The following CLDN14 variants were observed in gnomAD, a reference collection of about 807,000 sequenced individuals.
CLDN14 encodes the protein claudin-14.
In CLDN14, 2 loss-of-function variants were observed where a neutral mutation model predicts 2.1. The ratio of observed to expected loss-of-function variants is 0.96; its 90% CI spans 0.39 to 3.01. The LOEUF (loss-of-function observed/expected upper bound fraction) is 3.01, where lower values mean the gene tolerates loss of function less well. Ranked by LOEUF, CLDN14 falls within the 30% of genes most tolerant of loss-of-function variation. CLDN14 has a pLI of 0.09. For missense variants in CLDN14, 298 were observed against 328.0 expected, an observed-to-expected ratio of 0.91 and a Z score of 0.71; for synonymous variants, 136 against 154.4, an observed-to-expected ratio of 0.88 and a Z score of 0.88.
At chr21:36,462,440 C>A (rs2086590213) in intron 1 of CLDN14, among the ~76,000 whole-genome samples, 2 of 152,180 alleles carry the variant, frequency 1.3e-5, no homozygotes, top group South Asian at 4.1e-4. Context: ...ACACGCTCCC[C>A]ATTCACTATG....
intron 1 of CLDN14, among the ~76,000 whole-genome samples, chr21:36,525,770 G>C (rs745834771): frequency 1.3e-5 from 2 of 152,152 alleles, no homozygotes; most frequent in Non-Finnish European, 2.9e-5. Flanking sequence ...CTCCTCCAGC[G>C]ATACAGCTGC....
upstream of CLDN14, chr21:36,480,582 T>C (rs1257831794): frequency 6.6e-6 from 1 of 152,104 alleles, no homozygotes; most frequent in South Asian, 2.1e-4. Context: ...TTGGTGGGAA[T>C]GTGTAGCCAA....
chr21:36,522,021 C>G (rs2087275171), intron 1 of CLDN14, among the ~76,000 whole-genome samples: 1 of 152,102 alleles, frequency 6.6e-6, no homozygotes, highest in Non-Finnish European at 1.5e-5. Context: ...AAGTTATTAC[C>G]TGAAGTTTTT....
At chr21:36,506,681 G>A (rs376978682) in intron 2 of CLDN14, among the ~76,000 whole-genome samples, 1 of 152,034 alleles carries the variant, frequency 6.6e-6, no homozygotes, top group South Asian at 2.1e-4. Context: ...CGTTCACAGC[G>A]ATCACCTCTG....
chr21:36,491,560 A>G (rs2086965034), intron 2 of CLDN14, among the ~76,000 whole-genome samples: 1 of 152,228 alleles, frequency 6.6e-6, no homozygotes, highest in East Asian at 1.9e-4. Context: ...TATTTGCTAC[A>G]GGATCTCGCT....
intron 1 of CLDN14, among the ~76,000 whole-genome samples, chr21:36,517,987 G>A (rs1322983039): frequency 6.6e-6 from 1 of 151,996 alleles, no homozygotes; most frequent in Non-Finnish European, 1.5e-5. Flanking sequence ...CCTCTAGACT[G>A]TTGCCTACCC....
chr21:36,476,492 A>C (rs2086781188), intron 1 of CLDN14, among the ~76,000 whole-genome samples: 1 of 148,636 alleles, frequency 6.7e-6, no homozygotes, highest in Admixed American at 6.7e-5. Context: ...TCACTTTGTC[A>C]CCCAGGCCGG....
At chr21:36,512,707 G>A (rs928005257) in intron 1 of CLDN14, among the ~76,000 whole-genome samples, 2 of 152,206 alleles carry the variant, frequency 1.3e-5, no homozygotes, top group African/African-American at 4.8e-5. Context: ...GAACATATCT[G>A]TGTATGCCTG....
At chr21:36,471,848 C>A (rs2086714688) in intron 1 of CLDN14, among the ~76,000 whole-genome samples, 1 of 129,882 alleles carries the variant, frequency 7.7e-6, no homozygotes, top group Admixed American at 7.9e-5. Flanking sequence ...TAAAATGTGT[C>A]AAATGAAAAC....
upstream of CLDN14, among the ~76,000 whole-genome samples, chr21:36,482,423 T>C (rs532982461): frequency 4.1e-5 from 6 of 145,366 alleles, 1 homozygote; most frequent in East Asian, 2.2e-4. Context: ...GATGGATGGA[T>C]GGATGGATGG....
In CLDN14 at chr21:36,498,612, T is replaced by A. The variant is rs374968658; in HGVS notation, c.-82+11751A>T. Among the ~76,000 whole-genome samples, 10 of 152,254 alleles carry A rather than the reference T, an allele frequency of 6.6e-5. 1 individual carries two copies. In the East Asian group the frequency reaches 1.5e-3, roughly 23 times the overall value. ...AGCACTGTTGCAGGCGATGGGGACG[T>A]GGAACTGGTAGGACCGATGGCTAAG... On this transcript the variant is annotated intron_variant, in intron 2 of 2. Coordinates refer to the CLDN14 transcript ENST00000342108. This position sits in a 1 kb window ranked among gnomAD's most constrained non-coding sequence, Gnocchi z 4.9.
chr21:36,472,296 G>A (rs1398275388), intron 1 of CLDN14, among the ~76,000 whole-genome samples: 1 of 152,276 alleles, frequency 6.6e-6, no homozygotes, highest in Non-Finnish European at 1.5e-5. Flanking sequence ...TGAGGCTAGC[G>A]GGATGTGCTG....
At chr21:36,506,971 A>G (rs1476546439) in intron 2 of CLDN14, among the ~76,000 whole-genome samples, 3 of 151,866 alleles carry the variant, frequency 2.0e-5, no homozygotes, top group African/African-American at 7.3e-5. Context: ...TGAAAATAAA[A>G]AATTACCTGA....
intron 2 of CLDN14, among the ~76,000 whole-genome samples, chr21:36,496,436 C>CAA (rs60272055): frequency 3.1e-3 from 300 of 95,464 alleles, no homozygotes; most frequent in African/African-American, 0.012. Context: ...GACCTTGTTT[C>CAA]AAAAAAAAAA....
chr21:36,548,710 C>T (rs1471610314), intron 1 of CLDN14, among the ~76,000 whole-genome samples: 1 of 152,124 alleles, frequency 6.6e-6, no homozygotes, highest in Non-Finnish European at 1.5e-5. Flanking sequence ...TTCCTTGGTG[C>T]CAAAGGCATC....
chr21:36,482,194 A>C (rs534001943), upstream of CLDN14, among the ~76,000 whole-genome samples: 1 of 152,252 alleles, frequency 6.6e-6, no homozygotes, highest in African/African-American at 2.4e-5. Flanking sequence ...TTCGAATGCC[A>C]ATCAGGGGTA....
At chr21:36,556,773 CTT>C (rs1491441877) in intron 1 of CLDN14, among the ~76,000 whole-genome samples, 1 of 152,168 alleles carries the variant, frequency 6.6e-6, no homozygotes, top group Non-Finnish European at 1.5e-5. Context: ...GGTGGATTCT[CTT>C]CTCTCTCTCT....
intron 1 of CLDN14, among the ~76,000 whole-genome samples, chr21:36,568,824 G>C (rs1428083737): frequency 6.6e-6 from 1 of 152,144 alleles, no homozygotes; most frequent in East Asian, 1.9e-4. Context: ...TTCAGACTGG[G>C]GCTGTCAGTA....
chr21:36,463,146 C>T (rs980132154), intron 1 of CLDN14, among the ~76,000 whole-genome samples: 5 of 152,268 alleles, frequency 3.3e-5, no homozygotes, highest in Middle Eastern at 3.4e-3. Flanking sequence ...TCAGCGAGAC[C>T]GGGCATTAGC....
Sources: gnomAD v4.1 joint callset for allele counts (sites outside exome capture counted in the v4.1 genomes callset) on GRCh38, gnomAD v4.1.1 for gene constraint, Gnocchi (gnomAD v3.1) non-coding constraint, MANE v1.5 for transcripts, NCBI Gene and HGNC (gene_info 2026-07-23, HGNC 2026-07-21) for gene names.